NEXMIF: variants seen among roughly 807,000 people sequenced by gnomAD.
NEXMIF encodes XLMR protein related to neurite extension.
NEXMIF carries 8 observed loss-of-function variants against 62.1 expected under a neutral mutation model. That is an observed-to-expected ratio of 0.13 (90% confidence interval 0.08 to 0.23). The LOEUF (loss-of-function observed/expected upper bound fraction) is 0.23. Ranked by LOEUF, NEXMIF falls within the 10% of genes least tolerant of loss-of-function variation. NEXMIF has a pLI of 1.00. For missense variants in NEXMIF, 976 were observed against 1,113.3 expected, an observed-to-expected ratio of 0.88 and a Z score of 1.75; for synonymous variants, 404 against 416.6, an observed-to-expected ratio of 0.97 and a Z score of 0.37.
chrX:74,900,474 A>AAAAAAGAAAAAG (rs58922805), intron 1 of NEXMIF, among the ~76,000 whole-genome samples: 1 of 105,991 alleles, frequency 9.4e-6, no homozygotes, highest in Non-Finnish European at 1.9e-5. Context: ...AAAAAAAAAA[A>AAAAAAGAAAAAG]AAAAAGAAAA....
chrX:74,906,789 A>C (rs113230248), intron 1 of NEXMIF, among the ~76,000 whole-genome samples: 7,267 of 110,765 alleles, frequency 0.066, 601 homozygotes, highest in African/African-American at 0.23. Context: ...TTTTTCCCCT[A>C]CTGCCCTCTC....
In NEXMIF at chrX:74,777,125, C is replaced by T. The variant is rs967487901; in HGVS notation, c.-47-31428G>A. On this transcript the variant is annotated intron_variant, in intron 1 of 3. Transcript: ENST00000055682. ...GTGCTAGAAACTTTATGTTGATATA[C>T]ATTTAACCCTTACAAAAACCCTGTG... Among the ~76,000 whole-genome samples, 3 of 111,655 alleles carry T rather than the reference C, an allele frequency of 2.7e-5. No individual in the cohort carries two copies. In the Admixed American group the frequency reaches 2.9e-4, roughly 11 times the overall value.
chrX:74,892,623 A>C (rs898794110), intron 1 of NEXMIF, among the ~76,000 whole-genome samples: 1 of 112,368 alleles, frequency 8.9e-6, no homozygotes, highest in Non-Finnish European at 1.9e-5. Flanking sequence ...CAAAGCTCAG[A>C]TCCACAGAAC....
Position 74,755,524 on chromosome X carries a change from G to GA in NEXMIF, c.-47-9828dup, listed in dbSNP as rs1284620246. ...GTTCAACGTGAATTTCTTTCACCAA[G>GA]AAAAAAAAAATCCCTTTGGTTCACA... On this transcript the variant is annotated intron_variant, in intron 1 of 3. Transcript: ENST00000055682. Among the ~76,000 whole-genome samples, 286 of 108,154 alleles carry GA rather than the reference G, an allele frequency of 2.6e-3. 3 individuals carry two copies. The highest frequency in any genetic ancestry group is 6.1e-3 in the African/African-American group (182 of 29,808). 93.9% of individuals were successfully genotyped at this position (108,154 alleles called of 115,157 possible). A position where few individuals can be genotyped will look rare whatever the true frequency, so the allele number is the denominator to read the frequency against.
intron 1 of NEXMIF, among the ~76,000 whole-genome samples, chrX:74,757,031 CCTGCAA>C (rs1211445492): frequency 8.9e-6 from 1 of 111,869 alleles, no homozygotes; most frequent in Non-Finnish European, 1.9e-5. Flanking sequence ...AACGCTGTTT[CCTGCAA>C]CTACAGTGTA....
At chrX:74,832,820 T>A (rs1470086060) in intron 1 of NEXMIF, among the ~76,000 whole-genome samples, 4 of 111,816 alleles carry the variant, frequency 3.6e-5, no homozygotes, top group Non-Finnish European at 5.6e-5. Flanking sequence ...TGTGTTTCCA[T>A]TATCATTGGC....
chrX:74,832,652 C>G (rs1316178859), intron 1 of NEXMIF, among the ~76,000 whole-genome samples: 2 of 111,582 alleles, frequency 1.8e-5, no homozygotes, highest in African/African-American at 6.5e-5. Context: ...TTCTTTCCTT[C>G]TAATTCTGGG....
At chrX:74,814,963 T>C (rs913831620) in intron 1 of NEXMIF, among the ~76,000 whole-genome samples, 5 of 112,002 alleles carry the variant, frequency 4.5e-5, no homozygotes, top group Admixed American at 2.8e-4. Context: ...ATGGAATAAA[T>C]CATGTCAATT....
intron 1 of NEXMIF, among the ~76,000 whole-genome samples, chrX:74,859,015 T>A (rs757064825): frequency 3.6e-5 from 4 of 109,720 alleles, no homozygotes; most frequent in Non-Finnish European, 7.6e-5. Flanking sequence ...GCCTATAAAA[T>A]CTAGAAAATA....
chrX:74,757,129 T>G (rs778750040), intron 1 of NEXMIF, among the ~76,000 whole-genome samples: 1 of 112,465 alleles, frequency 8.9e-6, no homozygotes, highest in East Asian at 2.8e-4. Context: ...TCTAGTCATA[T>G]GCAGCTACTT....
At chrX:74,887,350 A>G (rs2080699140) in intron 1 of NEXMIF, among the ~76,000 whole-genome samples, 1 of 111,336 alleles carries the variant, frequency 9.0e-6, no homozygotes, top group Admixed American at 9.6e-5. Context: ...AACCACCATC[A>G]GAGTGAACAG....
chrX:74,841,988 C>A (rs1290962509), intron 1 of NEXMIF, among the ~76,000 whole-genome samples: 2 of 111,682 alleles, frequency 1.8e-5, no homozygotes, highest in Middle Eastern at 4.6e-3. Context: ...ATGATGCTGG[C>A]CTCACAGGAT....
chrX:74,877,132 G>A (rs1194378415), intron 1 of NEXMIF, among the ~76,000 whole-genome samples: 1 of 111,757 alleles, frequency 8.9e-6, no homozygotes, highest in Admixed American at 9.5e-5. Context: ...GCTGGTACAG[G>A]TCGTTCCTTT....
intron 1 of NEXMIF, among the ~76,000 whole-genome samples, chrX:74,874,618 C>T (rs2080621091): frequency 2.2e-5 from 2 of 91,276 alleles, no homozygotes; most frequent in Non-Finnish European, 4.3e-5. Context: ...ATTCTTCCTA[C>T]CCATGAGCAT....
At chrX:74,868,265 C>A (rs771653933) in intron 1 of NEXMIF, among the ~76,000 whole-genome samples, 3 of 111,856 alleles carry the variant, frequency 2.7e-5, no homozygotes, top group South Asian at 3.8e-4. Flanking sequence ...ACCCAGCAAT[C>A]CTGTTACTGG....
chrX:74,823,127 A>G (rs2080402907), intron 1 of NEXMIF, among the ~76,000 whole-genome samples: 1 of 112,322 alleles, frequency 8.9e-6, no homozygotes, highest in South Asian at 3.6e-4. Flanking sequence ...ATCCATTTAT[A>G]AAATATGTCC....
intron 1 of NEXMIF, among the ~76,000 whole-genome samples, chrX:74,874,850 T>G (rs2080622799): frequency 9.5e-6 from 1 of 105,347 alleles, no homozygotes; most frequent in Non-Finnish European, 1.9e-5. Flanking sequence ...TTTTGTATCC[T>G]GAGACTTTGC....
In NEXMIF at chrX:74,744,196, C is replaced by T. The variant is rs769778503; in HGVS notation, c.361G>A (p.Ala121Thr). ...GCAGGCTCCATTATGGCAAATGGAG[C>T]TTTCTCACATTCATTGGGAAGTGAC... ...TWSLPNECEK[A>T]PFAIMEPAGM... The change falls in exon 3 of 4, where the codon GCT becomes ACT. Residue 121 changes from alanine (A) to threonine (T), a missense_variant. Ala to Thr is a moderately conservative substitution (Grantham distance 58). Transcript: ENST00000055682. 8.3e-7 allele frequency: 1 copy of T among 1,209,588 alleles called. No individual in the cohort carries two copies. Among genetic ancestry groups the T allele is most frequent in the Admixed American group, 2.2e-5 (1 of 45,674 alleles).
intron 1 of NEXMIF, among the ~76,000 whole-genome samples, chrX:74,837,913 AG>A (rs1208494919): frequency 2.7e-5 from 3 of 112,039 alleles, no homozygotes; most frequent in African/African-American, 9.7e-5. Flanking sequence ...ACGGCATAGC[AG>A]TTTCCTGTCT....
Sources: gnomAD v4.1 joint callset for allele counts (sites outside exome capture counted in the v4.1 genomes callset) on GRCh38, gnomAD v4.1.1 for gene constraint, MANE v1.5 for transcripts, NCBI Gene and HGNC (gene_info 2026-07-23, HGNC 2026-07-21) for gene names.